Variants in KLHL18 observed in about 807,000 individuals in gnomAD.
KLHL18 encodes kelch-like protein 18.
A neutral mutation model predicts 58.5 loss-of-function variants in KLHL18; 38 were observed. The ratio of observed to expected loss-of-function variants is 0.65; its 90% CI spans 0.50 to 0.85. The LOEUF is 0.85. KLHL18 is among the 40% of genes least tolerant of loss of function. The pLI is 0.00. For synonymous variants in KLHL18, 303 were observed against 301.9 expected, an observed-to-expected ratio of 1.00 and a Z score of -0.04; for missense variants, 624 against 778.4, an observed-to-expected ratio of 0.80 and a Z score of 2.36.
At chr3:47,293,004 T>C (rs1702822814) in intron 1 of KLHL18, among the ~76,000 whole-genome samples, 1 of 152,042 alleles carries the variant, frequency 6.6e-6, no homozygotes, top group African/African-American at 2.4e-5. Flanking sequence ...TTGAAGACAT[T>C]ACACTAAGTG....
intron 1 of KLHL18, among the ~76,000 whole-genome samples, chr3:47,309,157 T>C (rs948053164): frequency 1.3e-5 from 2 of 152,152 alleles, no homozygotes; most frequent in African/African-American, 4.8e-5. Flanking sequence ...TGGAGTCTCC[T>C]ATGTCTACTT....
At chr3:47,329,462 C>T (rs562820596) in intron 3 of KLHL18, among the ~76,000 whole-genome samples, 18 of 152,312 alleles carry the variant, frequency 1.2e-4, no homozygotes, top group South Asian at 6.2e-4. Flanking sequence ...CTCGTGACCT[C>T]GTGATCTGCC....
rs551535143 is a variant in KLHL18, at chr3:47,296,306, T to C, written c.129+13212T>C. On this transcript the variant is annotated intron_variant, in intron 1 of 9. Transcript: ENST00000232766. Reference sequence around the variant, plus strand: ...GCCATCTCTTACCTAGTATAGTTCTTAGCATGTTTCAAGCACTTAAAAGTA... The same window carrying C: ...GCCATCTCTTACCTAGTATAGTTCTCAGCATGTTTCAAGCACTTAAAAGTA... 3.3e-5 allele frequency among the ~76,000 whole-genome samples: 5 copies of C among 152,348 alleles called. No homozygotes were observed. The East Asian group carries it at 9.6e-4, about 29-fold the overall frequency.
At chr3:47,343,510 T>G (rs1318711098) in intron 9 of KLHL18, 45 bp from the exon 10 acceptor site, 1 of 1,609,484 alleles carries the variant, frequency 6.2e-7, no homozygotes, top group South Asian at 1.1e-5. Flanking sequence ...TGGACTGAGC[T>G]TTGCCTCTGA....
rs201116440 is a variant in KLHL18 at position 47,284,242 on chromosome 3, CTCTG to C, written c.129+1152_129+1155del. Among the ~76,000 whole-genome samples the C allele has an allele frequency of 2.9e-3, 440 of 151,882 alleles. 23 individuals are homozygous for C. In the East Asian group the frequency reaches 0.063, roughly 22 times the overall value. On this transcript the variant is annotated intron_variant, in intron 1 of 9. Coordinates refer to ENST00000232766, the MANE Select transcript of KLHL18 (RefSeq NM_025010.5). ...GCAAGATCCTATTTCTCCTATTTCT[CTCTG>C]TCTCTCTCACACACACACACACACA...
chr3:47,344,177 G>T lies in KLHL18; in HGVS notation c.*236G>T. ...ACAAGCTCCTCTGGATCCTGCAGCT[G>T]GTGACATGGAACTGTTTTCTGGTCC... On this transcript the variant is annotated 3_prime_UTR_variant, in exon 10 of 10. Transcript: ENST00000232766. 1.8e-6 allele frequency: 1 copy of T among 559,810 alleles called. No homozygotes were observed. The highest frequency in any genetic ancestry group is 3.5e-5 in the Admixed American group (1 of 28,834). 34.7% of individuals were successfully genotyped at this position (559,810 alleles called of 1,614,324 possible).
chr3:47,321,903 TG>T (rs1270907259), intron 2 of KLHL18, among the ~76,000 whole-genome samples: 1 of 152,048 alleles, frequency 6.6e-6, no homozygotes, highest in Non-Finnish European at 1.5e-5. Context: ...GCAAAGGCCC[TG>T]AGGTAAGAAT....
At chr3:47,307,723 G>T (rs1703183626) in intron 1 of KLHL18, among the ~76,000 whole-genome samples, 1 of 152,110 alleles carries the variant, frequency 6.6e-6, no homozygotes, top group Non-Finnish European at 1.5e-5. Context: ...ATTGATTTTG[G>T]AGTGTGATGT....
At chr3:47,325,513 C>T (rs1703696415) in intron 3 of KLHL18, among the ~76,000 whole-genome samples, 1 of 152,042 alleles carries the variant, frequency 6.6e-6, no homozygotes. Flanking sequence ...GCATCATTTT[C>T]AAGATTTGAT....
At chr3:47,335,978 T>G (rs1019037382) in intron 6 of KLHL18, among the ~76,000 whole-genome samples, 1 of 152,214 alleles carries the variant, frequency 6.6e-6, no homozygotes, top group Middle Eastern at 3.2e-3. Flanking sequence ...TTATTTTGTT[T>G]GATCATCACA....
At chr3:47,287,527 C>T (rs1702701785) in intron 1 of KLHL18, 1 of 151,652 alleles carries the variant, frequency 6.6e-6, no homozygotes, top group African/African-American at 2.4e-5. Flanking sequence ...GCTCTGTTGT[C>T]CAGGCTGAAG....
Position 47,330,041 on chromosome 3 carries a change from C to G in KLHL18, c.492C>G (p.His164Gln). 1 of 1,614,102 alleles carries G rather than the reference C, an allele frequency of 6.2e-7. No individual in the cohort carries two copies. The highest frequency in any genetic ancestry group is 8.5e-7 in the Non-Finnish European group (1 of 1,180,024). Reference sequence around the variant, plus strand: ...ACGACGCTGCCAACAGCTTCATCCACCAGCACTTTGTGGAGGTGTCCATGT... The same window carrying G: ...ACGACGCTGCCAACAGCTTCATCCAGCAGCACTTTGTGGAGGTGTCCATGT... Reference protein sequence around the residue: ...VLYDAANSFIHQHFVEVSMSE... With the variant: ...VLYDAANSFIQQHFVEVSMSE... Residue 164 changes from histidine to glutamine, a missense_variant, in exon 4 of 10, where the codon CAC (histidine) becomes CAG (glutamine). Coordinates refer to ENST00000232766, the MANE Select transcript of KLHL18 (RefSeq NM_025010.5).
rs779363101 is a variant in KLHL18 at position 47,343,681 on chromosome 3, G to A, written c.1465G>A (p.Gly489Ser). The change falls in exon 10 of 10, where the codon GGC becomes AGC. Residue 489 changes from glycine (G) to serine (S), a missense_variant. By Grantham distance (56) the Gly-to-Ser change is moderately conservative (BLOSUM62 0). Coordinates refer to ENST00000232766, the MANE Select transcript of KLHL18 (RefSeq NM_025010.5). ...TGTCTGCGGGGGCTACGATGGCTCT[G>A]GCTTCCTCAGCATTGCCGAGATGTA... is the stretch of plus-strand genomic sequence containing the variant. ...MFVCGGYDGSGFLSIAEMYSS... is the reference protein window; with the variant it reads ...MFVCGGYDGSSFLSIAEMYSS... 1 of 1,614,120 alleles carries A rather than the reference G, an allele frequency of 6.2e-7. No individual in the cohort carries two copies. The highest frequency in any genetic ancestry group is 1.7e-5 in the Admixed American group (1 of 60,030).
chr3:47,329,910 C>G lies in KLHL18; in HGVS notation c.402-41C>G, dbSNP rs761554810. On this transcript the variant is annotated intron_variant, in intron 3 of 9. Coordinates refer to ENST00000232766, the MANE Select transcript of KLHL18 (RefSeq NM_025010.5). ...CCTGAGAATGATCAAAGATAACATC[C>G]TTTCTTCCTCTAATTTTTTTTTTCT... 9.7e-6 allele frequency: 15 copies of G among 1,552,926 alleles called. No individual in the cohort carries two copies. In the Admixed American group the frequency reaches 2.5e-4, roughly 26 times the overall value.
intron 1 of KLHL18, among the ~76,000 whole-genome samples, chr3:47,301,062 C>G (rs192565066): frequency 6.6e-6 from 1 of 152,176 alleles, no homozygotes; most frequent in African/African-American, 2.4e-5. Context: ...TGCCCATTTT[C>G]TCATTGGATT....
chr3:47,323,765 T>TG (rs1703642389), intron 3 of KLHL18, among the ~76,000 whole-genome samples: 1 of 152,208 alleles, frequency 6.6e-6, no homozygotes, highest in Admixed American at 6.5e-5. Flanking sequence ...GAGCCTACTC[T>TG]GATCACTAGG....
chr3:47,342,850 G>C lies in KLHL18; in HGVS notation c.1338+20G>C. 1 of 1,537,412 alleles carries C rather than the reference G, an allele frequency of 6.5e-7. No individual in the cohort carries two copies. The highest frequency in any genetic ancestry group is 9.0e-7 in the Non-Finnish European group (1 of 1,110,220). On this transcript the variant is annotated intron_variant, in intron 9 of 9. Coordinates refer to ENST00000232766, the MANE Select transcript of KLHL18 (RefSeq NM_025010.5). ...AGCAGTGTGAGTCTGGGCTCCCCCT[G>C]GGATAAGGGTACCTACTTCTGTCTT...
intron 1 of KLHL18, among the ~76,000 whole-genome samples, chr3:47,308,866 GACAA>G (rs1703214759): frequency 6.6e-6 from 1 of 151,982 alleles, no homozygotes. Flanking sequence ...AAGGTCAGCA[GACAA>G]ACAAGTGAAC....
rs1297715055 is a variant in KLHL18 at position 47,334,847 on chromosome 3, C to T, written c.898+28C>T. On this transcript the variant is annotated intron_variant, in intron 6 of 9. Coordinates refer to ENST00000232766, the MANE Select transcript of KLHL18 (RefSeq NM_025010.5). The surrounding 1 kb of genome is among the most constrained non-coding windows in gnomAD (Gnocchi z 4.7). ...ACCTTGCGGCTCCCCTTTATAGACC[C>T]TCCTCTTGGACTCCATGGATGAGGA... 1 of 1,589,282 alleles carries T rather than the reference C, an allele frequency of 6.3e-7. No individual in the cohort carries two copies. Among genetic ancestry groups the T allele is most frequent in the African/African-American group, 1.3e-5 (1 of 74,314 alleles).
Sources: gnomAD v4.1 joint callset for allele counts (sites outside exome capture counted in the v4.1 genomes callset) on GRCh38, gnomAD v4.1.1 for gene constraint, Gnocchi (gnomAD v3.1) non-coding constraint, MANE v1.5 for transcripts, NCBI Gene and HGNC (gene_info 2026-07-23, HGNC 2026-07-21) for gene names.